The following SHANK2 variants were observed in gnomAD, a reference collection of about 807,000 sequenced individuals.
SHANK2 encodes SH3 and multiple ankyrin repeat domains 2.
In SHANK2, 43 loss-of-function variants were observed where a neutral mutation model predicts 133.7. The observed-to-expected ratio is 0.32, with a 90% confidence interval of 0.25 to 0.41. The LOEUF is 0.41. Among genes scored for constraint, SHANK2 ranks in the 10% least tolerant of loss-of-function variants. SHANK2 has a pLI of 1.00. For synonymous variants in SHANK2, 1,017 were observed against 952.8 expected, an observed-to-expected ratio of 1.07 and a Z score of -1.24; for missense variants, 1,994 against 2,235.8, an observed-to-expected ratio of 0.89 and a Z score of 2.18.
chr11:70,691,235 G>T (rs76696922), intron 15 of SHANK2, among the ~76,000 whole-genome samples: 1 of 152,076 alleles, frequency 6.6e-6, no homozygotes, highest in East Asian at 1.9e-4. Context: ...GAGCCAAGGG[G>T]CCAGCCCAGG....
intron 17 of SHANK2, among the ~76,000 whole-genome samples, chr11:70,632,709 A>G (rs1415709754): frequency 7.9e-5 from 12 of 151,950 alleles, no homozygotes; most frequent in Non-Finnish European, 1.5e-4. Flanking sequence ...GGATGCTGGG[A>G]CTCTGCCGGC....
chr11:71,239,700 C>T (rs1954864798), intron 1 of SHANK2, among the ~76,000 whole-genome samples: 1 of 152,114 alleles, frequency 6.6e-6, no homozygotes, highest in East Asian at 1.9e-4. Flanking sequence ...TCTCAAACTG[C>T]TCTTAAGCAA....
chr11:70,621,955 T>A (rs1173054991), intron 17 of SHANK2, among the ~76,000 whole-genome samples: 1 of 152,042 alleles, frequency 6.6e-6, no homozygotes, highest in African/African-American at 2.4e-5. Flanking sequence ...AGGGCCAACT[T>A]CTGAGCTCGT....
chr11:70,550,709 AG>A lies in SHANK2; in HGVS notation c.2062-47779del, dbSNP rs2059753959. 5.3e-5 allele frequency among the ~76,000 whole-genome samples: 8 copies of A among 152,132 alleles called. No individual in the cohort carries two copies. The South Asian group carries it at 1.5e-3, about 28-fold the overall frequency. On this transcript the variant is annotated intron_variant, in intron 17 of 25. Coordinates refer to ENST00000601538, the MANE Select transcript of SHANK2 (RefSeq NM_012309.5). ...ACCCTGGGGAGGGGCCCGGTGGTGA[AG>A]GGGGTATACCCTGTAGGCTCAGCGC...
chr11:70,794,341 C>T (rs1947863713), intron 14 of SHANK2, among the ~76,000 whole-genome samples: 2 of 151,360 alleles, frequency 1.3e-5, no homozygotes, highest in Non-Finnish European at 2.9e-5. Context: ...ATATCACAGG[C>T]ATTAGGCTGA....
At chr11:71,166,962 T>C (rs1174989338) in intron 2 of SHANK2, among the ~76,000 whole-genome samples, 1 of 138,790 alleles carries the variant, frequency 7.2e-6, no homozygotes, top group Non-Finnish European at 1.6e-5. Flanking sequence ...TGTCCCTGGG[T>C]ACTTGAGATT....
At chr11:70,735,595 T>C (rs564215195) in intron 14 of SHANK2, among the ~76,000 whole-genome samples, 4 of 151,946 alleles carry the variant, frequency 2.6e-5, no homozygotes, top group African/African-American at 9.7e-5. Context: ...TCCCAGCTAC[T>C]TGGGAGGCTG....
At chr11:70,626,060 G>A (rs1554999854) in intron 17 of SHANK2, among the ~76,000 whole-genome samples, 1 of 151,972 alleles carries the variant, frequency 6.6e-6, no homozygotes, top group Admixed American at 6.6e-5. Context: ...GGCAGCCTCC[G>A]TCCCAGCCTC....
chr11:70,596,252 G>A (rs1183032595), intron 17 of SHANK2, among the ~76,000 whole-genome samples: 6 of 152,200 alleles, frequency 3.9e-5, no homozygotes, highest in Admixed American at 1.3e-4. Context: ...GCCAGAGCCC[G>A]GACGCTTCCC....
At chr11:71,102,396 C>T (rs111484307) in intron 6 of SHANK2, among the ~76,000 whole-genome samples, 4,836 of 152,226 alleles carry the variant, frequency 0.032, 107 homozygotes, top group Admixed American at 0.05. Context: ...TTAATTATCT[C>T]AGGCTAGAGG....
At position 71,159,847 on chromosome 11, in the gene SHANK2, A is replaced by T. The variant is rs11825071; in HGVS notation, c.-12-12509T>A. Among the ~76,000 whole-genome samples the T allele has an allele frequency of 2.9e-3, 447 of 152,102 alleles. 3 individuals are homozygous for T. The highest frequency in any genetic ancestry group is 9.3e-3 in the African/African-American group (387 of 41,506). On this transcript the variant is annotated intron_variant, in intron 2 of 25. Coordinates refer to ENST00000601538, the MANE Select transcript of SHANK2 (RefSeq NM_012309.5). The stretch of plus-strand genomic sequence containing the variant: ...GAAAATACAAAAAAATTAGCTGGGC[A>T]TGGTGGTGGCACACCTGTAGTCCTG...
At chr11:70,676,477 C>T (rs1555017220) in intron 15 of SHANK2, among the ~76,000 whole-genome samples, 1 of 152,206 alleles carries the variant, frequency 6.6e-6, no homozygotes, top group Non-Finnish European at 1.5e-5. Flanking sequence ...GGAGCTATGG[C>T]TGCCATCTTG....
Position 71,175,551 on chromosome 11 carries a change from GGAGAGA to G in SHANK2, c.-12-28219_-12-28214del, listed in dbSNP as rs555218781. 0.024 allele frequency among the ~76,000 whole-genome samples: 966 copies of G among 40,484 alleles called. 10 individuals are homozygous for G. Among genetic ancestry groups the G allele is most frequent in the African/African-American group, 0.064 (780 of 12,104 alleles). 26.6% of individuals were successfully genotyped at this position (40,484 alleles called of 152,430 possible). On this transcript the variant is annotated intron_variant, in intron 2 of 25. Coordinates refer to ENST00000601538, the MANE Select transcript of SHANK2 (RefSeq NM_012309.5). The surrounding 1 kb of genome is among the most constrained non-coding windows in gnomAD (Gnocchi z 4.2). ...CAGACAGACAGAGGGAGAGGGAGAG[GGAGAGA>G]GAGAGAGAGAGAGAGAGAGAGAGAG...
chr11:70,636,741 TGTGA>T (rs879985867), intron 17 of SHANK2, among the ~76,000 whole-genome samples: 63,014 of 122,440 alleles, frequency 0.51, 13,504 homozygotes, highest in Middle Eastern at 0.59. Flanking sequence ...TGTGAATATG[TGTGA>T]GCATGTGTGT....
chr11:70,733,953 A>ACCTGGAGACAAAGCGAAG (rs1160318501), intron 14 of SHANK2, among the ~76,000 whole-genome samples: 1 of 152,180 alleles, frequency 6.6e-6, no homozygotes, highest in Non-Finnish European at 1.5e-5. Context: ...CCAAGGTGGG[A>ACCTGGAGACAAAGCGAAG]CCTGGAGACA....
intron 9 of SHANK2, among the ~76,000 whole-genome samples, chr11:71,059,701 G>A (rs1046123543): frequency 1.1e-4 from 17 of 152,180 alleles, no homozygotes; most frequent in African/African-American, 3.6e-4. Context: ...CACCCTCTCC[G>A]GCAGCTAAGA....
Position 71,093,059 on chromosome 11 carries a change from G to GGC in SHANK2, c.745-471_745-470insGC, listed in dbSNP as rs1555094498. Among the ~76,000 whole-genome samples the GGC allele has an allele frequency of 3.3e-4, 47 of 143,174 alleles. 7 individuals are homozygous for GGC. The highest frequency in any genetic ancestry group is 6.3e-4 in the Non-Finnish European group (41 of 64,868). 93.9% of individuals were successfully genotyped at this position (143,174 alleles called of 152,430 possible). On this transcript the variant is annotated intron_variant, in intron 7 of 25. Transcript: ENST00000601538. ...CTCAGTCTCAAAAATAAAGGGGGGG[G>GGC]GGGGCAGGTATAACTTTAGACAACT...
chr11:70,617,305 ATG>A (rs34433990), intron 17 of SHANK2, among the ~76,000 whole-genome samples: 43 of 149,352 alleles, frequency 2.9e-4, no homozygotes, highest in South Asian at 1.1e-3. Flanking sequence ...CTGAGAGAGT[ATG>A]TGTGTGTGTG....
At chr11:70,902,196 G>C (rs1356235898) in intron 10 of SHANK2, among the ~76,000 whole-genome samples, 1 of 152,242 alleles carries the variant, frequency 6.6e-6, no homozygotes, top group African/African-American at 2.4e-5. Flanking sequence ...CTGGGCATTT[G>C]TATGAGACGC....
Sources: allele counts gnomAD v4.1 joint callset (sites outside exome capture counted in the v4.1 genomes callset), GRCh38; gene constraint gnomAD v4.1.1; non-coding constraint Gnocchi (gnomAD v3.1); transcripts MANE v1.5; gene names NCBI Gene and HGNC (gene_info 2026-07-23, HGNC 2026-07-21).